Variants in TIPIN observed in about 807,000 individuals in gnomAD.
The protein encoded by TIPIN is TIMELESS-interacting protein.
A neutral mutation model predicts 35.6 loss-of-function variants in TIPIN; 29 were observed. The observed-to-expected ratio is 0.82, with a 90% CI of 0.61 to 1.11. The LOEUF (loss-of-function observed/expected upper bound fraction) is 1.11. Ranked by LOEUF, TIPIN falls within the 50% of genes most tolerant of loss-of-function variation. The pLI, the probability that TIPIN is intolerant of heterozygous loss-of-function variation, is 0.00. For missense variants in TIPIN, 296 were observed against 345.4 expected (o/e 0.86, Z 1.13); for synonymous variants, 102 against 121.5 (o/e 0.84, Z 1.06).
At chr15:66,353,452 T>TA (rs2093182381) in intron 1 of TIPIN, among the ~76,000 whole-genome samples, 1 of 151,772 alleles carries the variant, frequency 6.6e-6, no homozygotes, top group South Asian at 2.1e-4. Flanking sequence ...CCGTCTCTAC[T>TA]AAAAATACAA....
At chr15:66,358,696 C>T (rs1260863610), upstream of TIPIN, among the ~76,000 whole-genome samples, 1 of 152,096 alleles carries the variant, frequency 6.6e-6, no homozygotes, top group Non-Finnish European at 1.5e-5. Flanking sequence ...GGATTACAGG[C>T]GTGAGCCACC....
intron 1 of TIPIN, among the ~76,000 whole-genome samples, chr15:66,374,207 A>G (rs1428124195): frequency 6.6e-6 from 1 of 151,990 alleles, no homozygotes; most frequent in Non-Finnish European, 1.5e-5. Context: ...AGTAGCTGGG[A>G]CTACAGAAGT....
rs146546608 is a variant in TIPIN, at chr15:66,340,630, C to T, written c.682+520G>A. Among the ~76,000 whole-genome samples the T allele has an allele frequency of 2.1e-3, 313 of 151,786 alleles. 2 individuals are homozygous for T. Among genetic ancestry groups the T allele is most frequent in the African/African-American group, 7.0e-3 (291 of 41,392 alleles). ...CTTTTTTTTTTGAGAGCGTCTCACT[C>T]AAGTCACCCAGGCTGGAGTGCAGTG... On this transcript the variant is annotated intron_variant, in intron 7 of 7. Coordinates refer to ENST00000261881, the MANE Select transcript of TIPIN (RefSeq NM_017858.3).
At chr15:66,351,042 C>T (rs1321343790) in intron 4 of TIPIN, among the ~76,000 whole-genome samples, 2 of 150,774 alleles carry the variant, frequency 1.3e-5, no homozygotes, top group Non-Finnish European at 2.9e-5. Flanking sequence ...ATTATACCTA[C>T]ACTCCTACAT....
chr15:66,379,090 T>C (rs955224742), intron 1 of TIPIN, among the ~76,000 whole-genome samples: 2 of 151,974 alleles, frequency 1.3e-5, no homozygotes, highest in African/African-American at 2.4e-5. Flanking sequence ...AGTCTTCCCA[T>C]ATTGCTCAGG....
intron 7 of TIPIN, among the ~76,000 whole-genome samples, chr15:66,337,805 A>G (rs1264752229): frequency 1.3e-5 from 2 of 151,670 alleles, no homozygotes; most frequent in Admixed American, 6.6e-5. Context: ...TTAGCTGGCT[A>G]TGGTGGCGAA....
In TIPIN at chr15:66,367,244, C is replaced by CTG. The variant is rs1440506710; in HGVS notation, c.-8-14290_-8-14289insCA. Among the ~76,000 whole-genome samples, 431 of 146,526 alleles carry CTG rather than the reference C, an allele frequency of 2.9e-3. 1 individual carries two copies. The highest frequency in any genetic ancestry group is 9.7e-3 in the African/African-American group (394 of 40,432). Reference sequence around the variant, plus strand: ...TCTATATCTGTATCTATATCTATATCTATCTATATATCTATATCTATATCT... The same window carrying CTG: ...TCTATATCTGTATCTATATCTATATCTGTATCTATATATCTATATCTATATCT... On this transcript the variant is annotated intron_variant, in intron 1 of 7. Coordinates refer to the TIPIN transcript ENST00000562124.
upstream of TIPIN, among the ~76,000 whole-genome samples, chr15:66,357,869 T>C (rs2093213878): frequency 1.3e-5 from 2 of 151,844 alleles, no homozygotes; most frequent in Admixed American, 6.6e-5. Flanking sequence ...GGCAGGAGTA[T>C]CACTTGAACC....
chr15:66,343,946 C>T (rs1054799272), intron 6 of TIPIN, among the ~76,000 whole-genome samples: 19 of 151,848 alleles, frequency 1.3e-4, no homozygotes, highest in Admixed American at 8.5e-4. Context: ...TGCAGTGAGC[C>T]GAGATCACAC....
intron 1 of TIPIN, among the ~76,000 whole-genome samples, chr15:66,362,342 A>G (rs1024850939): frequency 2.0e-5 from 3 of 152,264 alleles, no homozygotes; most frequent in African/African-American, 7.2e-5. Context: ...TGAAAGACCA[A>G]AAATTGAATA....
At chr15:66,371,132 G>T in intron 1 of TIPIN, 1 of 640,986 alleles carries the variant, frequency 1.6e-6, no homozygotes, top group Non-Finnish European at 1.9e-6. Flanking sequence ...AATCACTTGA[G>T]CCCAGGAGGC....
At chr15:66,365,300 A>G (rs2093249385) in intron 1 of TIPIN, among the ~76,000 whole-genome samples, 1 of 151,312 alleles carries the variant, frequency 6.6e-6, no homozygotes, top group African/African-American at 2.4e-5. Context: ...TACATAATAC[A>G]TAATACATTC....
chr15:66,363,627 G>A (rs989238951), intron 1 of TIPIN, among the ~76,000 whole-genome samples: 3 of 151,670 alleles, frequency 2.0e-5, no homozygotes, highest in Admixed American at 6.6e-5. Flanking sequence ...GGGCAACAGA[G>A]CGAGATCTGG....
chr15:66,344,109 T>A (rs1261513638), intron 6 of TIPIN, among the ~76,000 whole-genome samples: 1 of 152,142 alleles, frequency 6.6e-6, no homozygotes, highest in Non-Finnish European at 1.5e-5. Flanking sequence ...TTTTTTGTTT[T>A]TTTCAAGAGA....
At chr15:66,353,331 AT>A (rs1237116845) in intron 1 of TIPIN, among the ~76,000 whole-genome samples, 1 of 151,982 alleles carries the variant, frequency 6.6e-6, no homozygotes, top group Non-Finnish European at 1.5e-5. Flanking sequence ...AAAAAAAAAA[AT>A]CTGGGCTGGG....
intron 1 of TIPIN, among the ~76,000 whole-genome samples, chr15:66,376,484 CA>C (rs2093297271): frequency 6.6e-6 from 1 of 151,570 alleles, no homozygotes; most frequent in African/African-American, 2.4e-5. Context: ...GCTGGAGTGC[CA>C]TGATGTGGTC....
intron 1 of TIPIN, among the ~76,000 whole-genome samples, chr15:66,373,264 C>A (rs578243106): frequency 6.6e-6 from 1 of 152,038 alleles, no homozygotes; most frequent in African/African-American, 2.4e-5. Flanking sequence ...GAGGCTGAGG[C>A]GGGAGGATCA....
At chr15:66,386,677 C>A (rs2093340420) in exon 1 of TIPIN, 1 of 180,688 alleles carries the variant, frequency 5.5e-6, no homozygotes, top group African/African-American at 2.4e-5. Flanking sequence ...TTCTTCTCAG[C>A]TGGGTCCACC....
intron 6 of TIPIN, among the ~76,000 whole-genome samples, chr15:66,346,856 A>G (rs935091074): frequency 6.6e-6 from 1 of 151,448 alleles, no homozygotes; most frequent in Non-Finnish European, 1.5e-5. Flanking sequence ...CAGTGGCGTG[A>G]TCTCGGCTCA....
Sources: allele counts gnomAD v4.1 joint callset (sites outside exome capture counted in the v4.1 genomes callset), GRCh38; gene constraint gnomAD v4.1.1; transcripts MANE v1.5; gene names NCBI Gene and HGNC (gene_info 2026-07-23, HGNC 2026-07-21).